The following RALGPS1 variants were observed in gnomAD, a reference collection of about 807,000 sequenced individuals.
RALGPS1 encodes ras-specific guanine nucleotide-releasing factor RalGPS1.
Under a neutral mutation model 78.8 loss-of-function variants are expected in RALGPS1, and 19 were observed. The ratio of observed to expected loss-of-function variants is 0.24; its 90% CI spans 0.17 to 0.35. The LOEUF is 0.35. RALGPS1 is among the 10% of genes least tolerant of loss of function. RALGPS1 has a pLI of 1.00. For synonymous variants in RALGPS1, 228 were observed against 256.3 expected, an observed-to-expected ratio of 0.89 and a Z score of 1.06; for missense variants, 454 against 688.3, an observed-to-expected ratio of 0.66 and a Z score of 3.81.
At chr9:127,110,749 C>T (rs945928819) in intron 8 of RALGPS1, among the ~76,000 whole-genome samples, 2 of 152,166 alleles carry the variant, frequency 1.3e-5, no homozygotes, top group African/African-American at 2.4e-5. Context: ...GCCTTTCTTT[C>T]TTTCATACCC....
At chr9:127,070,414 T>G (rs1427850229) in intron 8 of RALGPS1, among the ~76,000 whole-genome samples, 1 of 152,178 alleles carries the variant, frequency 6.6e-6, no homozygotes, top group Non-Finnish European at 1.5e-5. Flanking sequence ...GATTATTACC[T>G]TGTGATAAAT....
intron 18 of RALGPS1, chr9:127,216,044 G>A (rs2062560136): frequency 6.6e-6 from 1 of 152,290 alleles, no homozygotes; most frequent in Non-Finnish European, 1.5e-5. Context: ...CCAGGCATTT[G>A]GGTCCAGGAG....
At chr9:127,077,572 T>C (rs2050785743) in intron 8 of RALGPS1, among the ~76,000 whole-genome samples, 1 of 152,194 alleles carries the variant, frequency 6.6e-6, no homozygotes, top group African/African-American at 2.4e-5. Context: ...GCCACCACCC[T>C]AGGACCAAGG....
chr9:126,998,959 A>G (rs2043029693), intron 4 of RALGPS1, among the ~76,000 whole-genome samples: 2 of 140,494 alleles, frequency 1.4e-5, no homozygotes, highest in Admixed American at 1.6e-4. Context: ...ACAGGTGGGA[A>G]CTGAACAATG....
intron 4 of RALGPS1, among the ~76,000 whole-genome samples, chr9:126,999,956 C>G (rs1432537759): frequency 2.0e-5 from 3 of 152,136 alleles, no homozygotes; most frequent in African/African-American, 4.8e-5. Context: ...TTTCATTGAG[C>G]CTGTGCATTT....
At chr9:127,051,410 G>A (rs2048299466) in intron 6 of RALGPS1, among the ~76,000 whole-genome samples, 1 of 152,106 alleles carries the variant, frequency 6.6e-6, no homozygotes, top group Admixed American at 6.5e-5. Flanking sequence ...TCCTTTCTCT[G>A]GGCCTTGGTT....
intron 1 of RALGPS1, among the ~76,000 whole-genome samples, chr9:126,949,689 G>A (rs1588595446): frequency 6.6e-6 from 1 of 152,106 alleles, no homozygotes; most frequent in African/African-American, 2.4e-5. Context: ...ATTTGTCTGA[G>A]TTCATTGTAG....
chr9:127,020,311 C>T (rs926235649), intron 4 of RALGPS1, among the ~76,000 whole-genome samples: 2 of 152,176 alleles, frequency 1.3e-5, no homozygotes, highest in African/African-American at 4.8e-5. Flanking sequence ...TCAGAGCCTG[C>T]ACCTTCCTGT....
At chr9:127,073,466 C>CTGTGTGTGTGTGTGTGTGTG (rs58611833) in intron 8 of RALGPS1, among the ~76,000 whole-genome samples, 2,090 of 143,012 alleles carry the variant, frequency 0.015, 24 homozygotes, top group Middle Eastern at 0.021. Flanking sequence ...GTGTGTGTGT[C>CTGTGTGTGTGTGTGTGTGTG]TGTGTGTGTG....
rs1287798931 is a variant in RALGPS1, at chr9:127,212,888, C to T, written c.1447-56C>T. The T allele has an allele frequency of 4.0e-5, 65 of 1,612,112 alleles. No individual in the cohort carries two copies. The highest frequency in any genetic ancestry group is 1.7e-5 in the Admixed American group (1 of 59,794). On this transcript the variant is annotated intron_variant, in intron 16 of 18. Coordinates refer to ENST00000259351, the MANE Select transcript of RALGPS1 (RefSeq NM_014636.3). This position sits in a 1 kb window ranked among gnomAD's most constrained non-coding sequence, Gnocchi z 6.0. Reference sequence around the variant, plus strand: ...CCTTGCCTGGCCCACGTCGGCCTCCCTTGTGGAGTGGAGGGCTGGGCCCCG... The same window carrying T: ...CCTTGCCTGGCCCACGTCGGCCTCCTTTGTGGAGTGGAGGGCTGGGCCCCG...
At chr9:127,215,851 C>T (rs2062548323) in intron 18 of RALGPS1, among the ~76,000 whole-genome samples, 1 of 152,200 alleles carries the variant, frequency 6.6e-6, no homozygotes, top group South Asian at 2.1e-4. Flanking sequence ...CAGGGATCAG[C>T]CAGAGGAGGA....
At chr9:127,077,635 G>A (rs771833830) in intron 8 of RALGPS1, among the ~76,000 whole-genome samples, 2 of 152,192 alleles carry the variant, frequency 1.3e-5, no homozygotes, top group Admixed American at 1.3e-4. Context: ...CTGTCCCTAG[G>A]TTGGCCAGCT....
intron 1 of RALGPS1, among the ~76,000 whole-genome samples, chr9:126,917,350 CAT>C (rs2034279167): frequency 6.6e-6 from 1 of 152,190 alleles, no homozygotes; most frequent in Non-Finnish European, 1.5e-5. Flanking sequence ...AGACCTAGAA[CAT>C]GTGTTGAATA....
At chr9:127,166,869 G>C (rs1336787588) in intron 9 of RALGPS1, among the ~76,000 whole-genome samples, 1 of 152,208 alleles carries the variant, frequency 6.6e-6, no homozygotes, top group Non-Finnish European at 1.5e-5. Context: ...GATGATGTCA[G>C]AATGCTGGAT....
At chr9:127,050,800 C>G (rs1216741398) in intron 6 of RALGPS1, among the ~76,000 whole-genome samples, 1 of 152,220 alleles carries the variant, frequency 6.6e-6, no homozygotes, top group Non-Finnish European at 1.5e-5. Flanking sequence ...TTGCCTGACT[C>G]TCAGCCGCAG....
intron 5 of RALGPS1, among the ~76,000 whole-genome samples, chr9:127,046,216 G>T (rs780867356): frequency 2.0e-5 from 3 of 152,226 alleles, no homozygotes; most frequent in Non-Finnish European, 2.9e-5. Flanking sequence ...AATCTCTCAT[G>T]CAGAAAATTT....
intron 8 of RALGPS1, among the ~76,000 whole-genome samples, chr9:127,137,313 A>G (rs560638748): frequency 5.3e-5 from 8 of 152,118 alleles, no homozygotes; most frequent in African/African-American, 1.9e-4. Flanking sequence ...CCTTGTCTGG[A>G]TTGTTTGGTT....
At chr9:127,029,864 G>A (rs752289019) in intron 4 of RALGPS1, among the ~76,000 whole-genome samples, 4 of 152,192 alleles carry the variant, frequency 2.6e-5, no homozygotes, top group Non-Finnish European at 4.4e-5. Flanking sequence ...GCACAAAACC[G>A]GCAGCTAGTG....
At chr9:126,951,904 TG>T (rs1322776506) in intron 1 of RALGPS1, among the ~76,000 whole-genome samples, 1 of 152,182 alleles carries the variant, frequency 6.6e-6, no homozygotes, top group African/African-American at 2.4e-5. Flanking sequence ...ATGACATGAT[TG>T]TATATCTAGA....
Sources: allele counts gnomAD v4.1 joint callset (sites outside exome capture counted in the v4.1 genomes callset), GRCh38; gene constraint gnomAD v4.1.1; non-coding constraint Gnocchi (gnomAD v3.1); transcripts MANE v1.5; gene names NCBI Gene and HGNC (gene_info 2026-07-23, HGNC 2026-07-21).